NEMP2: variants seen among roughly 807,000 people sequenced by gnomAD.
The protein encoded by NEMP2 is nuclear envelope integral membrane protein 2.
A neutral mutation model predicts 54.2 loss-of-function variants in NEMP2; 53 were observed. The observed-to-expected ratio is 0.98, with a 90% CI of 0.78 to 1.23. NEMP2 has a LOEUF of 1.23. Among genes scored for constraint, NEMP2 ranks in the 50% most tolerant of loss-of-function variants. The probability of loss-of-function intolerance (pLI) is 0.00; values close to 1 mark genes in which losing one functional copy is unlikely to be tolerated. For missense variants in NEMP2, 455 were observed against 511.3 expected, an observed-to-expected ratio of 0.89 and a Z score of 1.06; for synonymous variants, 197 against 190.3, an observed-to-expected ratio of 1.04 and a Z score of -0.29.
At chr2:190,603,505 ACTCT>A in the NEMP2 span, among the ~76,000 whole-genome samples, 1 of 146,438 alleles carries the variant, frequency 6.8e-6, no homozygotes, top group African/African-American at 2.6e-5. Context: ...AGCTGCTTCC[ACTCT>A]CTCCACACTG....
downstream of NEMP2, chr2:190,500,010 T>A: frequency 1.2e-6 from 2 of 1,614,088 alleles, no homozygotes; most frequent in African/African-American, 1.3e-5. The surrounding 1 kb of genome is among the most constrained non-coding windows in gnomAD (Gnocchi z 5.3). Context: ...GTTTTTTACC[T>A]CCAGGGGACC....
the NEMP2 span, among the ~76,000 whole-genome samples, chr2:190,481,810 G>A: frequency 1.3e-5 from 2 of 152,028 alleles, no homozygotes; most frequent in African/African-American, 2.4e-5. Flanking sequence ...ACTTTCTTTC[G>A]TGCAGCACAC....
chr2:190,471,952 C>G, the NEMP2 span, among the ~76,000 whole-genome samples: 1 of 152,324 alleles, frequency 6.6e-6, no homozygotes, highest in Admixed American at 6.5e-5. The surrounding 1 kb of genome is among the most constrained non-coding windows in gnomAD (Gnocchi z 4.7). Context: ...TGTTCTGCAG[C>G]TTTCACTGCT....
At chr2:190,633,107 T>A in the NEMP2 span, among the ~76,000 whole-genome samples, 1 of 152,170 alleles carries the variant, frequency 6.6e-6, no homozygotes, top group Non-Finnish European at 1.5e-5. Flanking sequence ...CGAATGTCAC[T>A]TTCCTCTTAA....
the NEMP2 span, among the ~76,000 whole-genome samples, chr2:190,572,833 G>GTTTT: frequency 1.9e-4 from 9 of 47,860 alleles, 1 homozygote; most frequent in African/African-American, 4.3e-4. Context: ...CTTTTCATGA[G>GTTTT]TATATATATA....
chr2:190,580,450 A>G, the NEMP2 span, among the ~76,000 whole-genome samples: 31 of 152,296 alleles, frequency 2.0e-4, no homozygotes, highest in African/African-American at 7.0e-4. The surrounding 1 kb of genome is among the most constrained non-coding windows in gnomAD (Gnocchi z 5.3). Flanking sequence ...TCTGCTGTCA[A>G]GTAGATAAAG....
At chr2:190,445,861 A>AT in the NEMP2 span, among the ~76,000 whole-genome samples, 15,312 of 152,018 alleles carry the variant, frequency 0.1, 1,048 homozygotes, top group Non-Finnish European at 0.16. Flanking sequence ...AAAGAAGGTC[A>AT]TTTTTTTTCC....
the NEMP2 span, among the ~76,000 whole-genome samples, chr2:190,483,975 T>C: frequency 6.6e-6 from 1 of 152,206 alleles, no homozygotes; most frequent in Non-Finnish European, 1.5e-5. Context: ...TCTTGATTTT[T>C]ACTGTGCCTC....
the NEMP2 span, chr2:190,437,026 C>T: frequency 6.2e-7 from 1 of 1,614,104 alleles, no homozygotes; most frequent in African/African-American, 1.3e-5. This position sits in a 1 kb window ranked among gnomAD's most constrained non-coding sequence, Gnocchi z 5.9. Context: ...GTGGGGCTCC[C>T]TGGGCTGGGG....
rs1293457123 is a variant in NEMP2 at position 190,517,528 on chromosome 2, T to C, written c.604A>G (p.Ile202Val). 6.5e-7 allele frequency: 1 copy of C among 1,548,920 alleles called. No individual in the cohort carries two copies. Among genetic ancestry groups the C allele is most frequent in the Non-Finnish European group, 8.7e-7 (1 of 1,145,672 alleles). The change falls in exon 5 of 9, where the codon ATT becomes GTT. Residue 202 changes from isoleucine (I) to valine (V), a missense_variant. By Grantham distance (29) the Ile-to-Val change is conservative. Around this residue, in one of 3 missense-constraint regions of NEMP2, gnomAD observed 294 missense variants for 333.6 expected, o/e 0.88. Coordinates refer to ENST00000409150, the MANE Select transcript of NEMP2 (RefSeq NM_001142645.2). ...VFVLLLVKRF[I>V]PKYSTFWALM... ...TCACATAGTATGCCTACCTTCGGAATGAATCTTTTCACCAACAGCAAGACA... is the reference window on the plus strand; with the variant it reads ...TCACATAGTATGCCTACCTTCGGAACGAATCTTTTCACCAACAGCAAGACA...
chr2:190,439,246 AG>A, the NEMP2 span, among the ~76,000 whole-genome samples: 2 of 152,042 alleles, frequency 1.3e-5, no homozygotes, highest in Admixed American at 1.3e-4. The surrounding 1 kb of genome is among the most constrained non-coding windows in gnomAD (Gnocchi z 5.8). Flanking sequence ...GTACCCAGTT[AG>A]GTCTTACCAA....
chr2:190,462,332 G>A, the NEMP2 span, among the ~76,000 whole-genome samples: 11 of 152,238 alleles, frequency 7.2e-5, no homozygotes, highest in Non-Finnish European at 1.2e-4. The surrounding 1 kb of genome is among the most constrained non-coding windows in gnomAD (Gnocchi z 5.7). Flanking sequence ...GCACCCAAGC[G>A]TCAGGGATTT....
At chr2:190,436,074 A>G in the NEMP2 span, 1 of 1,614,014 alleles carries the variant, frequency 6.2e-7, no homozygotes, top group Admixed American at 1.7e-5. This position sits in a 1 kb window ranked among gnomAD's most constrained non-coding sequence, Gnocchi z 5.3. Context: ...ATGAAGAGGA[A>G]CAGAAGAGAA....
chr2:190,464,066 G>A, the NEMP2 span, among the ~76,000 whole-genome samples: 1 of 152,236 alleles, frequency 6.6e-6, no homozygotes, highest in Non-Finnish European at 1.5e-5. Flanking sequence ...CTGAAACATT[G>A]CTTTTTGAAT....
At chr2:190,439,012 C>T in the NEMP2 span, among the ~76,000 whole-genome samples, 2 of 152,038 alleles carry the variant, frequency 1.3e-5, no homozygotes, top group Non-Finnish European at 2.9e-5. This position sits in a 1 kb window ranked among gnomAD's most constrained non-coding sequence, Gnocchi z 5.8. Context: ...TTCCTGGACC[C>T]ACAGAACCCC....
At chr2:190,542,326 C>G in the NEMP2 span, among the ~76,000 whole-genome samples, 3 of 152,132 alleles carry the variant, frequency 2.0e-5, no homozygotes, top group Non-Finnish European at 4.4e-5. This position sits in a 1 kb window ranked among gnomAD's most constrained non-coding sequence, Gnocchi z 4.6. Flanking sequence ...ATTCTTTTGC[C>G]TCAGCCTCCC....
At chr2:190,594,190 G>C in the NEMP2 span, among the ~76,000 whole-genome samples, 35 of 152,140 alleles carry the variant, frequency 2.3e-4, no homozygotes, top group African/African-American at 8.2e-4. This position sits in a 1 kb window ranked among gnomAD's most constrained non-coding sequence, Gnocchi z 5.6. Flanking sequence ...TTTACTCGAG[G>C]TCCTATCTTC....
chr2:190,436,146 A>G, the NEMP2 span: 1 of 1,614,232 alleles, frequency 6.2e-7, no homozygotes. The surrounding 1 kb of genome is among the most constrained non-coding windows in gnomAD (Gnocchi z 5.3). Context: ...CTTCGAATGA[A>G]ACACCTTCCT....
the NEMP2 span, chr2:190,488,655 A>G: frequency 6.5e-7 from 1 of 1,534,238 alleles, no homozygotes; most frequent in Non-Finnish European, 8.8e-7. The surrounding 1 kb of genome is among the most constrained non-coding windows in gnomAD (Gnocchi z 6.4). Context: ...CTTCCTCTCC[A>G]GGAGTGACAC....
Sources: gnomAD v4.1 joint callset for allele counts (sites outside exome capture counted in the v4.1 genomes callset) on GRCh38, gnomAD v4.1.1 for gene constraint, gnomAD v4.1.1 regional missense constraint, Gnocchi (gnomAD v3.1) non-coding constraint, MANE v1.5 for transcripts, NCBI Gene and HGNC (gene_info 2026-07-23, HGNC 2026-07-21) for gene names.